SYNE1: variants seen among roughly 807,000 people sequenced by gnomAD.
The protein encoded by SYNE1 is nesprin-1.
Under a neutral mutation model 1,111.0 loss-of-function variants are expected in SYNE1, and 616 were observed. The observed-to-expected ratio is 0.55, with a 90% CI of 0.52 to 0.59. The LOEUF (loss-of-function observed/expected upper bound fraction) is 0.59, where lower values mean the gene tolerates loss of function less well. Ranked by LOEUF, SYNE1 falls within the 20% of genes least tolerant of loss-of-function variation. SYNE1 has a pLI of 0.00. For synonymous variants in SYNE1, 3,855 were observed against 3,825.8 expected, an observed-to-expected ratio of 1.01 and a Z score of -0.28; for missense variants, 10,006 against 10,417.0, an observed-to-expected ratio of 0.96 and a Z score of 1.72.
chr6:152,132,718 T>C lies in SYNE1; in HGVS notation c.26002-504A>G, dbSNP rs1392565875. Among the ~76,000 whole-genome samples the C allele has an allele frequency of 6.6e-5, 10 of 152,306 alleles. No individual in the cohort carries two copies. The South Asian group carries it at 1.9e-3, about 28-fold the overall frequency. ...TGCTTACAGCAGGGCAAAGCATGTGTTCATGGCAGGATTTCACAGCAGAAT... is the reference window on the plus strand; with the variant it reads ...TGCTTACAGCAGGGCAAAGCATGTGCTCATGGCAGGATTTCACAGCAGAAT... On this transcript the variant is annotated intron_variant, in intron 143 of 145. Transcript: ENST00000367255.
At chr6:152,377,628 AAAAAAAAAAAAAATATATATATATAT>A (rs1472715688) in intron 56 of SYNE1, among the ~76,000 whole-genome samples, 5 of 97,856 alleles carry the variant, frequency 5.1e-5, no homozygotes, top group African/African-American at 2.4e-4. Flanking sequence ...AAAAAAAAAA[AAAAAAAAAAAAAATATATATATATAT>A]ATATATATAT....
At chr6:152,515,085 G>C (rs775081428) in intron 6 of SYNE1, among the ~76,000 whole-genome samples, 2 of 152,046 alleles carry the variant, frequency 1.3e-5, no homozygotes, top group African/African-American at 2.4e-5. Flanking sequence ...AGCTAGGCTT[G>C]GTGGCGCATG....
chr6:152,127,790 A>G (rs2054026778), intron 145 of SYNE1: 1 of 152,250 alleles, frequency 6.6e-6, no homozygotes, highest in African/African-American at 2.4e-5. Flanking sequence ...TCTACAAGAA[A>G]CTGAGTAGTG....
intron 3 of SYNE1, among the ~76,000 whole-genome samples, chr6:152,590,493 T>C (rs1420183510): frequency 6.6e-6 from 1 of 152,008 alleles, no homozygotes; most frequent in Non-Finnish European, 1.5e-5. Context: ...ATTACAAATG[T>C]AATTTATATT....
At chr6:152,634,250 C>A (rs1306139406) in intron 2 of SYNE1, among the ~76,000 whole-genome samples, 1 of 152,080 alleles carries the variant, frequency 6.6e-6, no homozygotes, top group Non-Finnish European at 1.5e-5. Flanking sequence ...CATTTCTAAC[C>A]AAAAAGAAAA....
Position 152,330,428 on chromosome 6 carries a change from G to A in SYNE1, c.14257C>T (p.Leu4753=). The A allele has an allele frequency of 1.2e-6, 2 of 1,614,118 alleles. No homozygotes were observed. The highest frequency in any genetic ancestry group is 1.7e-6 in the Non-Finnish European group (2 of 1,180,036). Residue 4753 remains leucine (L), a synonymous_variant, in exon 78 of 146, where the codon CTG becomes TTG. Transcript: ENST00000367255. ...TGQPWQPDKM[L]HLVTLYHRLK... is the part of the protein sequence containing the mutation. ...CTGTGATATAAGGTGACAAGGTGCA[G>A]CATCTTGTCTGGCTGCCAAGGCTGA...
chr6:152,300,904 G>T, intron 92 of SYNE1, 123 bp from the exon 93 acceptor site: 2 of 1,284,326 alleles, frequency 1.6e-6, no homozygotes, highest in Non-Finnish European at 2.2e-6. Flanking sequence ...ACTGGGACCC[G>T]AATTCACATA....
Position 152,207,978 on chromosome 6 carries a change from T to G in SYNE1, c.22818A>C (p.Glu7606Asp). ...ACTGTGTTTTGCATCTTACCTGCAC[T>G]TCATCAAAGAGGGTCCTTGCTTGTT... ...PLQQARTLFD[E>D]VQFKEKVFLR... is the part of the protein sequence containing the mutation. The change falls in exon 125 of 146, where the codon GAA becomes GAC. Residue 7606 changes from glutamate to aspartate, a missense_variant. By Grantham distance (45) the Glu-to-Asp change is conservative. Coordinates refer to ENST00000367255, the MANE Select transcript of SYNE1 (RefSeq NM_182961.4). 1.2e-6 allele frequency: 2 copies of G among 1,614,150 alleles called. No homozygotes were observed. Among genetic ancestry groups the G allele is most frequent in the Non-Finnish European group, 1.7e-6 (2 of 1,180,018 alleles).
chr6:152,168,454 A>C (rs1016830135), intron 130 of SYNE1: 10 of 479,368 alleles, frequency 2.1e-5, no homozygotes, highest in African/African-American at 1.9e-4. Flanking sequence ...GAAGGGGAAA[A>C]AGCTCAGTGT....
At position 152,463,197 on chromosome 6, in the gene SYNE1, G is replaced by A. The variant is rs868711868; in HGVS notation, c.2097+156C>T. Among the ~76,000 whole-genome samples the A allele has an allele frequency of 4.6e-5, 7 of 152,214 alleles. No individual in the cohort carries two copies. In the South Asian group the frequency reaches 1.4e-3, roughly 32 times the overall value. On this transcript the variant is annotated intron_variant, in intron 19 of 145. Coordinates refer to ENST00000367255, the MANE Select transcript of SYNE1 (RefSeq NM_182961.4). ...ATATTCCTCCATTATACATGGAAAA[G>A]AATGAAGAACCAACCATAAAACACA...
intron 46 of SYNE1, among the ~76,000 whole-genome samples, chr6:152,403,521 G>C (rs867477127): frequency 1.7e-4 from 26 of 152,278 alleles, no homozygotes; most frequent in Middle Eastern, 6.8e-3. Flanking sequence ...AGGAGTACAA[G>C]ACCAGCCTTG....
At chr6:152,191,282 A>C (rs2072272781) in intron 127 of SYNE1, among the ~76,000 whole-genome samples, 1 of 149,406 alleles carries the variant, frequency 6.7e-6, no homozygotes, top group Non-Finnish European at 1.5e-5. Flanking sequence ...TTAGCAGGGT[A>C]ATAGTAGCCT....
At chr6:152,380,941 G>T in intron 56 of SYNE1, 65 bp downstream of exon 56, 26 of 1,511,504 alleles carry the variant, frequency 1.7e-5, no homozygotes, top group Non-Finnish European at 2.2e-5. Context: ...TTTTTTTAAG[G>T]AATGATGAAA....
Position 152,224,563 on chromosome 6 carries a change from G to A in SYNE1, c.21453C>T (p.Tyr7151=). 1.9e-6 allele frequency: 3 copies of A among 1,614,006 alleles called. No individual in the cohort carries two copies. Among genetic ancestry groups the A allele is most frequent in the Non-Finnish European group, 1.7e-6 (2 of 1,179,958 alleles). Residue 7151 remains tyrosine, a synonymous_variant, in exon 117 of 146, where the codon TAC becomes TAT. Coordinates refer to ENST00000367255, the MANE Select transcript of SYNE1 (RefSeq NM_182961.4). ...TCAGCAGACGGAATCGGGAAAGAGA[G>A]TATCTGGCCTCCATGAGGTAACTGT... The part of the protein sequence containing the change: ...KINSYLMEAR[Y]SLSRFRLLTG...
At chr6:152,320,774 G>A (rs1024528257) in intron 84 of SYNE1, among the ~76,000 whole-genome samples, 5 of 152,076 alleles carry the variant, frequency 3.3e-5, no homozygotes, top group African/African-American at 1.2e-4. Flanking sequence ...CAACATTAGG[G>A]GACCCACCCG....
chr6:152,144,111 T>C (rs897671019), intron 137 of SYNE1: 2 of 364,804 alleles, frequency 5.5e-6, no homozygotes, highest in African/African-American at 4.2e-5. Flanking sequence ...CAATGGTGTC[T>C]ACTGCATCTC....
intron 31 of SYNE1, 79 bp from the exon 32 acceptor site, chr6:152,441,349 G>A (rs537304526): frequency 1.4e-6 from 2 of 1,467,312 alleles, no homozygotes; most frequent in East Asian, 4.9e-5. Flanking sequence ...TTGCAAAACT[G>A]TCAACTTTCA....
chr6:152,413,505 T>C lies in SYNE1; in HGVS notation c.6077A>G (p.Asp2026Gly), dbSNP rs750654306. ...QRLRVFNQLEDELNSHEHELC... is the reference protein window; with the variant it reads ...QRLRVFNQLEGELNSHEHELC... The stretch of plus-strand genomic sequence containing the variant: ...TTCATGCTCGTGAGAATTCAATTCA[T>C]CTTCTAGCTGATTAAACACTCTTAA... Residue 2026 changes from aspartate to glycine, a missense_variant, in exon 42 of 146, where the codon GAT becomes GGT. Transcript: ENST00000367255. The C allele has an allele frequency of 1.9e-6, 3 of 1,614,184 alleles. No homozygotes were observed. The highest frequency in any genetic ancestry group is 2.5e-6 in the Non-Finnish European group (3 of 1,180,004).
chr6:152,137,551 G>C (rs919052465), intron 140 of SYNE1, among the ~76,000 whole-genome samples: 2 of 152,164 alleles, frequency 1.3e-5, no homozygotes, highest in South Asian at 2.1e-4. Flanking sequence ...TTGGCTTTGT[G>C]CATTTCCAAA....
Sources: gnomAD v4.1 joint callset for allele counts (sites outside exome capture counted in the v4.1 genomes callset) on GRCh38, gnomAD v4.1.1 for gene constraint, MANE v1.5 for transcripts, NCBI Gene and HGNC (gene_info 2026-07-23, HGNC 2026-07-21) for gene names.